Variants in KDM4C observed in about 807,000 individuals in gnomAD.
KDM4C encodes the protein lysine demethylase 4C, also known as lysine-specific demethylase 4C.
Under a neutral mutation model 129.3 loss-of-function variants are expected in KDM4C, and 81 were observed. That is an observed-to-expected ratio of 0.63 (90% CI 0.52 to 0.75). The LOEUF is 0.75. Ranked by LOEUF, KDM4C falls within the 30% of genes least tolerant of loss-of-function variation. The probability of loss-of-function intolerance (pLI) is 0.00; values close to 1 mark genes in which losing one functional copy is unlikely to be tolerated. For missense variants in KDM4C, 1,457 were observed against 1,304.0 expected, an observed-to-expected ratio of 1.12 and a Z score of -1.81; for synonymous variants, 573 against 456.1, an observed-to-expected ratio of 1.26 and a Z score of -3.26.
intron 15 of KDM4C, among the ~76,000 whole-genome samples, chr9:7,016,576 C>A (rs1004147277): frequency 2.4e-4 from 36 of 151,904 alleles, no homozygotes; most frequent in African/African-American, 8.5e-4. Flanking sequence ...CGGGCGCCTG[C>A]CACCATGCCT....
intron 1 of KDM4C, among the ~76,000 whole-genome samples, chr9:6,738,030 A>G (rs1817580879): frequency 6.6e-6 from 1 of 151,736 alleles, no homozygotes; most frequent in Admixed American, 6.6e-5. Context: ...GCTACTCAGG[A>G]GGCTGGGGCA....
intron 1 of KDM4C, among the ~76,000 whole-genome samples, chr9:6,730,151 A>G (rs1485932378): frequency 6.6e-6 from 1 of 152,004 alleles, no homozygotes; most frequent in African/African-American, 2.4e-5. Context: ...TGCACCTGGA[A>G]TATGGCCATG....
intron 5 of KDM4C, among the ~76,000 whole-genome samples, chr9:6,870,441 G>C (rs1450237730): frequency 6.6e-6 from 1 of 152,076 alleles, no homozygotes; most frequent in Non-Finnish European, 1.5e-5. Context: ...CTTTGCTTGA[G>C]TGAAGAGATG....
intron 8 of KDM4C, among the ~76,000 whole-genome samples, chr9:6,896,280 G>A (rs1816419304): frequency 6.6e-6 from 1 of 152,100 alleles, no homozygotes; most frequent in Admixed American, 6.5e-5. Context: ...TAATTACTAT[G>A]AAAATATGAG....
chr9:6,977,993 G>T (rs1047013119), intron 8 of KDM4C, among the ~76,000 whole-genome samples: 4 of 152,120 alleles, frequency 2.6e-5, no homozygotes, highest in African/African-American at 9.7e-5. Context: ...ATGTTCTTGT[G>T]GTCAGGTTAC....
intron 5 of KDM4C, among the ~76,000 whole-genome samples, chr9:6,853,187 T>TA (rs1291773962): frequency 2.6e-5 from 4 of 152,096 alleles, no homozygotes; most frequent in Non-Finnish European, 4.4e-5. Context: ...AAACTTTTAA[T>TA]AAAAAAGATT....
At position 6,959,254 on chromosome 9, in the gene KDM4C, A is replaced by G. The variant is rs1033353779; in HGVS notation, c.922-21671A>G. 2.6e-5 allele frequency among the ~76,000 whole-genome samples: 4 copies of G among 152,188 alleles called. No homozygotes were observed. The East Asian group carries it at 7.7e-4, about 29-fold the overall frequency. ...TTGAAATCCCCATGCTGGTCCCACCATGTAGTCCCAGATGTTACTTTTTAT... is the reference window on the plus strand; with the variant it reads ...TTGAAATCCCCATGCTGGTCCCACCGTGTAGTCCCAGATGTTACTTTTTAT... On this transcript the variant is annotated intron_variant, in intron 8 of 21. Coordinates refer to ENST00000381309, the MANE Select transcript of KDM4C (RefSeq NM_015061.6).
chr9:7,035,054 C>G (rs562537919), intron 15 of KDM4C, among the ~76,000 whole-genome samples: 1 of 151,744 alleles, frequency 6.6e-6, no homozygotes, highest in African/African-American at 2.4e-5. Context: ...CTTCCATTGC[C>G]CAGGCTGGAG....
intron 6 of KDM4C, among the ~76,000 whole-genome samples, chr9:6,884,537 C>G (rs1382641746): frequency 6.6e-6 from 1 of 152,090 alleles, no homozygotes; most frequent in Non-Finnish European, 1.5e-5. Flanking sequence ...CACGATAAAA[C>G]TTCATCAAAG....
chr9:6,903,422 G>T (rs1054271762), intron 8 of KDM4C, among the ~76,000 whole-genome samples: 1 of 152,150 alleles, frequency 6.6e-6, no homozygotes, highest in Non-Finnish European at 1.5e-5. Flanking sequence ...AATGTAGTTG[G>T]TAGAGTGGGC....
chr9:6,864,796 T>C (rs969279744), intron 5 of KDM4C, among the ~76,000 whole-genome samples: 1 of 151,206 alleles, frequency 6.6e-6, no homozygotes, highest in African/African-American at 2.4e-5. Context: ...ATTTTCTATA[T>C]CTTGTTGGCA....
At chr9:7,008,040 TA>T (rs1240996400) in intron 12 of KDM4C, among the ~76,000 whole-genome samples, 6 of 152,086 alleles carry the variant, frequency 3.9e-5, no homozygotes, top group African/African-American at 1.4e-4. Context: ...CACCTGAGTA[TA>T]GCACAGACAT....
At chr9:6,751,726 C>G (rs962963293) in intron 1 of KDM4C, among the ~76,000 whole-genome samples, 1 of 152,098 alleles carries the variant, frequency 6.6e-6, no homozygotes, top group South Asian at 2.1e-4. Flanking sequence ...GATAGTTGTT[C>G]ACAATAGTCA....
chr9:7,015,755 A>G, intron 14 of KDM4C, 98 bp from the exon 15 acceptor site: 1 of 750,852 alleles, frequency 1.3e-6, no homozygotes, highest in Non-Finnish European at 2.3e-6. Context: ...ACAGTATGGT[A>G]GGCTAGTGTC....
intron 2 of KDM4C, among the ~76,000 whole-genome samples, chr9:6,796,306 T>C (rs573767550): frequency 1.2e-4 from 19 of 152,082 alleles, no homozygotes; most frequent in Non-Finnish European, 2.1e-4. Flanking sequence ...TTAGCCGGGC[T>C]TGGAGGTGGG....
intron 19 of KDM4C, among the ~76,000 whole-genome samples, chr9:7,135,216 G>A (rs1442507706): frequency 6.6e-6 from 1 of 151,656 alleles, no homozygotes; most frequent in South Asian, 2.1e-4. Context: ...AGGAGATTCA[G>A]TAGTTGCCAC....
intron 1 of KDM4C, among the ~76,000 whole-genome samples, chr9:6,760,163 G>A (rs1170287468): frequency 6.6e-6 from 1 of 151,728 alleles, no homozygotes; most frequent in Non-Finnish European, 1.5e-5. Flanking sequence ...TGTCTCAATA[G>A]ATTTGGCTAT....
chr9:7,097,855 G>C (rs992850236), intron 17 of KDM4C, among the ~76,000 whole-genome samples: 3 of 152,082 alleles, frequency 2.0e-5, no homozygotes, highest in Non-Finnish European at 4.4e-5. Flanking sequence ...ATCTTACATA[G>C]AAGATATTTA....
chr9:7,047,557 G>A (rs1265720844), intron 16 of KDM4C, among the ~76,000 whole-genome samples: 2 of 151,682 alleles, frequency 1.3e-5, no homozygotes, highest in African/African-American at 4.8e-5. Context: ...ATTGAAAATG[G>A]GGCCAAAGCA....
Sources: allele counts gnomAD v4.1 joint callset (sites outside exome capture counted in the v4.1 genomes callset), GRCh38; gene constraint gnomAD v4.1.1; transcripts MANE v1.5; gene names NCBI Gene and HGNC (gene_info 2026-07-23, HGNC 2026-07-21).